The following RGS18 variants were observed in gnomAD, a reference collection of about 807,000 sequenced individuals.
The protein encoded by RGS18 is regulator of G protein signaling 18, also known as regulator of G-protein signaling 18.
RGS18 carries 22 observed loss-of-function variants against 27.6 expected under a neutral mutation model. That is an observed-to-expected ratio of 0.80 (90% CI 0.57 to 1.14). The LOEUF (loss-of-function observed/expected upper bound fraction) is 1.14, where lower values mean the gene tolerates loss of function less well. RGS18 is among the 50% of genes most tolerant of loss of function. The pLI is 0.00. For missense variants in RGS18, 299 were observed against 269.6 expected (o/e 1.11, Z -0.76); for synonymous variants, 89 against 84.6 (o/e 1.05, Z -0.29).
intron 3 of RGS18, among the ~76,000 whole-genome samples, chr1:192,164,399 A>G (rs1221648663): frequency 6.6e-6 from 1 of 152,180 alleles, no homozygotes; most frequent in Non-Finnish European, 1.5e-5. Context: ...CAAAACAGAA[A>G]GGTCACTGAT....
intron 3 of RGS18, among the ~76,000 whole-genome samples, chr1:192,178,705 A>T (rs1362043893): frequency 6.6e-6 from 1 of 151,668 alleles, no homozygotes; most frequent in African/African-American, 2.4e-5. Context: ...AGAGGGGATT[A>T]AGAGACTAAG....
rs200020460 is a variant in RGS18, at chr1:192,184,495, C to T, written c.649C>T (p.Arg217Cys). Residue 217 changes from arginine (R) to cysteine (C), a missense_variant, in exon 5 of 5, where the codon CGC (arginine) becomes TGC (cysteine). Physicochemically the swap from Arg to Cys is radical, Grantham distance 180 (BLOSUM62 -3). Transcript: ENST00000367460. ...ACCAACAAATCTTAGGAGACGATCACGCTCATTTACCTGCAATGAATTCCA... is the reference window on the plus strand; with the variant it reads ...ACCAACAAATCTTAGGAGACGATCATGCTCATTTACCTGCAATGAATTCCA... ...QRPTNLRRRSRSFTCNEFQDV... is the reference protein window; with the variant it reads ...QRPTNLRRRSCSFTCNEFQDV... 57 of 1,611,258 alleles carry T rather than the reference C, an allele frequency of 3.5e-5. No individual in the cohort carries two copies. Among genetic ancestry groups the T allele is most frequent in the South Asian group, 8.8e-5 (8 of 91,022 alleles).
At chr1:192,169,210 ATTC>A (rs936890240) in intron 3 of RGS18, 3 of 152,190 alleles carry the variant, frequency 2.0e-5, no homozygotes, top group Non-Finnish European at 4.4e-5. Flanking sequence ...TAATGGTCAT[ATTC>A]TTCTGAAATC....
At position 192,183,725 on chromosome 1, in the gene RGS18, G is replaced by A. The variant is rs117066638; in HGVS notation, c.451-572G>A. 2.8e-4 allele frequency among the ~76,000 whole-genome samples: 42 copies of A among 151,724 alleles called. No homozygotes were observed. In the East Asian group the frequency reaches 6.6e-3, roughly 24 times the overall value. On this transcript the variant is annotated intron_variant, in intron 4 of 4. Coordinates refer to ENST00000367460, the MANE Select transcript of RGS18 (RefSeq NM_130782.3). ...TAACAAATGAATGGATAAATGAAAC[G>A]TGGTGTACCTATAGAATGGAATATT... is the stretch of plus-strand genomic sequence containing the variant.
intron 4 of RGS18, among the ~76,000 whole-genome samples, chr1:192,182,360 T>C (rs1414150097): frequency 6.6e-6 from 1 of 151,662 alleles, no homozygotes; most frequent in Non-Finnish European, 1.5e-5. Flanking sequence ...TGTTATTTTT[T>C]GTCTTTTTCA....
rs560840028 is a variant in RGS18, at chr1:192,166,109, ATATAT to A, written c.283+5675_283+5679del. ...CAGTTGATGCCAATAAAATATAGAG[ATATAT>A]TATACACACATATGTGTTTTTATTT... On this transcript the variant is annotated intron_variant, in intron 3 of 4. Coordinates refer to ENST00000367460, the MANE Select transcript of RGS18 (RefSeq NM_130782.3). 1.9e-4 allele frequency among the ~76,000 whole-genome samples: 29 copies of A among 152,230 alleles called. No homozygotes were observed. In the East Asian group the frequency reaches 2.7e-3, roughly 14 times the overall value.
chr1:192,165,876 A>G (rs1656155287), intron 3 of RGS18, among the ~76,000 whole-genome samples: 1 of 152,198 alleles, frequency 6.6e-6, no homozygotes, highest in South Asian at 2.1e-4. Flanking sequence ...TGAAGTTTCA[A>G]AATGAATAAT....
chr1:192,177,781 C>T (rs1019467009), intron 3 of RGS18, among the ~76,000 whole-genome samples: 1 of 151,656 alleles, frequency 6.6e-6, no homozygotes, highest in Non-Finnish European at 1.5e-5. Context: ...CTAAGAGATT[C>T]AGGAACATGG....
chr1:192,161,146 C>T (rs10921097), intron 3 of RGS18, among the ~76,000 whole-genome samples: 63,031 of 152,028 alleles, frequency 0.41, 14,465 homozygotes, highest in East Asian at 0.71. Flanking sequence ...CACTGCGCCC[C>T]GCTCCATAAA....
intron 3 of RGS18, among the ~76,000 whole-genome samples, chr1:192,164,809 C>T (rs1262771368): frequency 6.6e-6 from 1 of 152,162 alleles, no homozygotes; most frequent in Non-Finnish European, 1.5e-5. Context: ...CTTGACTTTA[C>T]TTTAATCTCT....
chr1:192,175,639 T>C (rs1656345936), intron 3 of RGS18, among the ~76,000 whole-genome samples: 3 of 151,848 alleles, frequency 2.0e-5, no homozygotes, highest in African/African-American at 7.2e-5. Flanking sequence ...CCTATCTCCA[T>C]TAACCTCAGT....
At chr1:192,169,809 A>T (rs1405632755) in intron 3 of RGS18, 1 of 152,224 alleles carries the variant, frequency 6.6e-6, no homozygotes, top group Non-Finnish European at 1.5e-5. Flanking sequence ...AAGAAATAAG[A>T]CATTTTAGAA....
chr1:192,173,994 T>C (rs1656314293), intron 3 of RGS18, among the ~76,000 whole-genome samples: 1 of 151,764 alleles, frequency 6.6e-6, no homozygotes, highest in Admixed American at 6.6e-5. Flanking sequence ...TTAATTTTTA[T>C]ACCCTTCCTG....
intron 3 of RGS18, among the ~76,000 whole-genome samples, chr1:192,167,311 T>G (rs1656178974): frequency 1.3e-5 from 2 of 152,184 alleles, no homozygotes; most frequent in Admixed American, 1.3e-4. Context: ...TTGTGGCTTT[T>G]CAAGTTACAG....
chr1:192,177,986 T>A (rs1656385623), intron 3 of RGS18, among the ~76,000 whole-genome samples: 1 of 151,698 alleles, frequency 6.6e-6, no homozygotes, highest in African/African-American at 2.4e-5. Context: ...AAGGAAAACC[T>A]AAATTCAGGG....
intron 3 of RGS18, among the ~76,000 whole-genome samples, chr1:192,162,703 A>G (rs902705818): frequency 6.6e-6 from 1 of 152,304 alleles, no homozygotes; most frequent in African/African-American, 2.4e-5. Flanking sequence ...CTCTTTATAG[A>G]TTAATTACAA....
At chr1:192,181,501 A>AT in intron 4 of RGS18, 43 bp downstream of exon 4, 1 of 1,302,292 alleles carries the variant, frequency 7.7e-7, no homozygotes, top group Non-Finnish European at 1.0e-6. Flanking sequence ...TGCTTTCAAA[A>AT]TTTTTTAATA....
At chr1:192,182,779 T>C (rs1046339606) in intron 4 of RGS18, among the ~76,000 whole-genome samples, 2 of 151,606 alleles carry the variant, frequency 1.3e-5, no homozygotes, top group African/African-American at 4.8e-5. Flanking sequence ...CAACCTCTCA[T>C]AGAAACTAAA....
chr1:192,158,682 A>G lies in RGS18; in HGVS notation c.45A>G (p.Glu15=), dbSNP rs1321180737. The change falls in exon 1 of 5, where the codon GAA becomes GAG. Residue 15 remains glutamate (E), a synonymous_variant. Transcript: ENST00000367460. The part of the protein sequence containing the change: ...LLFFSQINMC[E]SKEKTFFKLI... ...TCTTTTCTCAAATAAATATGTGTGA[A>G]TCAAAAGAAAAAACTTTTTTCAAGT... is the stretch of plus-strand genomic sequence containing the variant. 1 of 1,583,474 alleles carries G rather than the reference A, an allele frequency of 6.3e-7. No homozygotes were observed. The highest frequency in any genetic ancestry group is 8.5e-7 in the Non-Finnish European group (1 of 1,170,390).
Sources: gnomAD v4.1 joint callset for allele counts (sites outside exome capture counted in the v4.1 genomes callset) on GRCh38, gnomAD v4.1.1 for gene constraint, MANE v1.5 for transcripts, NCBI Gene and HGNC (gene_info 2026-07-23, HGNC 2026-07-21) for gene names.